CHD4: variants seen among roughly 807,000 people sequenced by gnomAD.
CHD4 encodes the protein chromodomain helicase DNA binding protein 4, also known as ATP-dependent chromatin remodeler CHD4.
Under a neutral mutation model 235.5 loss-of-function variants are expected in CHD4, and 35 were observed. The ratio of observed to expected loss-of-function variants is 0.15; its 90% confidence interval spans 0.11 to 0.20. CHD4 has a LOEUF of 0.20. Among genes scored for constraint, CHD4 ranks in the 10% least tolerant of loss-of-function variants. The pLI is 1.00. For synonymous variants in CHD4, 900 were observed against 850.2 expected, an observed-to-expected ratio of 1.06 and a Z score of -1.02; for missense variants, 1,329 against 2,432.3, an observed-to-expected ratio of 0.55 and a Z score of 9.54.
rs758702410 is a variant in CHD4 at position 6,600,509 on chromosome 12, A to C, written c.1063+25T>G. On this transcript the variant is annotated intron_variant, in intron 8 of 39. Coordinates refer to ENST00000544040, the MANE Select transcript of CHD4 (RefSeq NM_001273.5). ...CCAATCACTCCCACCTCATCCCATC[A>C]CAAATATACAGAAGAGAAACACACC... 34 of 1,604,104 alleles carry C rather than the reference A, an allele frequency of 2.1e-5. No homozygotes were observed. In the South Asian group the frequency reaches 3.5e-4, roughly 17 times the overall value.
rs1232329265 is a variant in CHD4 at position 6,602,381 on chromosome 12, T to C, written c.217A>G (p.Lys73Glu). ...ACATTCAGTCACCCACTCACCTCCT[T>C]TTTTTGGCGCTTGCTCTTAGGGATT... ...PKIPKSKRQK[K>E]ERMLLCRQLG... The change falls in exon 3 of 40, where the codon AAG becomes GAG. Residue 73 changes from lysine (K) to glutamate (E), a missense_variant. Transcript: ENST00000544040. 1 of 1,613,632 alleles carries C rather than the reference T, an allele frequency of 6.2e-7. No individual in the cohort carries two copies. The highest frequency in any genetic ancestry group is 8.5e-7 in the Non-Finnish European group (1 of 1,179,984).
In CHD4 at chr12:6,595,366, A is replaced by G. The variant is rs1948469685; in HGVS notation, c.2089T>C (p.Leu697=). Residue 697 remains leucine, a synonymous_variant, in exon 14 of 40, where the codon TTG becomes CTG. Coordinates refer to ENST00000544040, the MANE Select transcript of CHD4 (RefSeq NM_001273.5). The part of the protein sequence containing the change: ...KKLKKVKLRK[L]ERPPETPTVD... ...GTTGGCGTTTCTGGAGGCCTCTCCA[A>G]CTTCCGAAGCTTCACCTTCTTGAGC... 1 of 1,614,020 alleles carries G rather than the reference A, an allele frequency of 6.2e-7. No homozygotes were observed. Among genetic ancestry groups the G allele is most frequent in the Non-Finnish European group, 8.5e-7 (1 of 1,180,020 alleles).
rs752632870 is a variant in CHD4 at position 6,591,843 on chromosome 12, G to T, written c.3091-18C>A. 6.2e-7 allele frequency: 1 copy of T among 1,613,460 alleles called. No homozygotes were observed. The highest frequency in any genetic ancestry group is 1.3e-5 in the African/African-American group (1 of 74,786). Reference sequence around the variant, plus strand: ...GGAGCTTCCTGAGAACAAATGCAAAGAAAAAAGTATTAAAAGAAAGCCCAC... The same window carrying T: ...GGAGCTTCCTGAGAACAAATGCAAATAAAAAAGTATTAAAAGAAAGCCCAC... On this transcript the variant is annotated intron_variant, in intron 20 of 39. Transcript: ENST00000544040.
chr12:6,596,086 A>C lies in CHD4; in HGVS notation c.1944T>G (p.Pro648=). ...CACTCTCCCAAGAAGCCTGATCGTA[A>C]GGTAAGTCCCGCCACTTGATCAAGT... ...VHYLIKWRDL[P]YDQASWESED... is the part of the protein sequence containing the mutation. The change falls in exon 13 of 40, where the codon CCT becomes CCG. Residue 648 remains proline, a synonymous_variant. Coordinates refer to ENST00000544040, the MANE Select transcript of CHD4 (RefSeq NM_001273.5). The C allele has an allele frequency of 6.2e-7, 1 of 1,614,038 alleles. No homozygotes were observed. The highest frequency in any genetic ancestry group is 1.1e-5 in the South Asian group (1 of 91,084).
At chr12:6,594,034 C>T (rs1948443765) in intron 15 of CHD4, among the ~76,000 whole-genome samples, 1 of 152,168 alleles carries the variant, frequency 6.6e-6, no homozygotes, top group Non-Finnish European at 1.5e-5. Context: ...GGGGTTTCGC[C>T]ATGTTGGTCA....
rs1948172272 is a variant in CHD4 at position 6,580,852 on chromosome 12, C to T, written c.4909+192G>A. On this transcript the variant is annotated intron_variant, in intron 33 of 39. Transcript: ENST00000544040. Reference sequence around the variant, plus strand: ...TGAAACCCTGTCTCTACTAAAAATACAAAAATTAGCTGGGCATGATGGCGT... The same window carrying T: ...TGAAACCCTGTCTCTACTAAAAATATAAAAATTAGCTGGGCATGATGGCGT... The T allele has an allele frequency of 6.6e-6, 4 of 609,216 alleles. No individual in the cohort carries two copies. The South Asian group carries it at 6.7e-5, about 10-fold the overall frequency. 37.7% of individuals were successfully genotyped at this position (609,216 alleles called of 1,614,324 possible).
At chr12:6,595,851 A>C (rs1408366981) in intron 13 of CHD4, among the ~76,000 whole-genome samples, 155 bp downstream of exon 13, 1 of 150,926 alleles carries the variant, frequency 6.6e-6, no homozygotes, top group African/African-American at 2.4e-5. Flanking sequence ...CCAGCTACTC[A>C]GGAGGCTAAG....
rs771937303 is a variant in CHD4, at chr12:6,601,628, C to T, written c.557+20G>A. ...ACAGAAAGATTCTCCTCCCCCTTCC[C>T]CAAACCCCTTCTGTTTTACCTGACA... On this transcript the variant is annotated intron_variant, in intron 5 of 39. Transcript: ENST00000544040. 1.2e-6 allele frequency: 2 copies of T among 1,613,812 alleles called. No individual in the cohort carries two copies. The highest frequency in any genetic ancestry group is 1.7e-6 in the Non-Finnish European group (2 of 1,179,734).
intron 33 of CHD4, 148 bp from the exon 34 acceptor site, chr12:6,579,065 A>AAGAT: frequency 3.0e-6 from 2 of 657,898 alleles, no homozygotes; most frequent in Non-Finnish European, 5.3e-6. Flanking sequence ...CTGTAATCCC[A>AAGAT]GCATCTTGGG....
Position 6,599,800 on chromosome 12 carries a change from G to A in CHD4, c.1455C>T (p.Asn485=), listed in dbSNP as rs746108222. Residue 485 remains asparagine, a synonymous_variant, in exon 10 of 40, where the codon AAC becomes AAT. Transcript: ENST00000544040. ...CLNPPLPEIP[N]GEWLCPRCTC... ...TACAACGGGGACAGAGCCATTCACC[G>A]TTGGGGATCTCTGGAAGTGGGGGAT... 2.3e-5 allele frequency: 37 copies of A among 1,614,038 alleles called. No homozygotes were observed. Among genetic ancestry groups the A allele is most frequent in the African/African-American group, 6.7e-5 (5 of 74,896 alleles).
chr12:6,578,181 C>T, intron 35 of CHD4, 44 bp from the exon 36 acceptor site: 2 of 1,522,458 alleles, frequency 1.3e-6, no homozygotes, highest in Non-Finnish European at 1.8e-6. Flanking sequence ...GGGAAGCAAA[C>T]ATCTGTGAGA....
At chr12:6,598,164 C>CT (rs1948531472) in intron 11 of CHD4, 58 bp downstream of exon 11, 1 of 1,610,722 alleles carries the variant, frequency 6.2e-7, no homozygotes. Context: ...CCACAAGGCT[C>CT]TTTTGTCACT....
rs751395634 is a variant in CHD4, at chr12:6,601,334, G to T, written c.754C>A (p.Pro252Thr). ...GCCTTGCGGATAGGCACCTCCACAG[G>T]GGGAGGTGGTGGTGCAACCTCAGTG... ...TATEVAPPPPPVEVPIRKAKT... is the reference protein window; with the variant it reads ...TATEVAPPPPTVEVPIRKAKT... The change falls in exon 6 of 40, where the codon CCT becomes ACT. Residue 252 changes from proline (P) to threonine (T), a missense_variant. Physicochemically the swap from Pro to Thr is conservative, Grantham distance 38. Transcript: ENST00000544040. The T allele has an allele frequency of 6.2e-7, 1 of 1,614,110 alleles. No individual in the cohort carries two copies. Among genetic ancestry groups the T allele is most frequent in the Non-Finnish European group, 8.5e-7 (1 of 1,180,012 alleles).
In CHD4 at chr12:6,602,363, G is replaced by A. The variant is rs745561896; in HGVS notation, c.222+13C>T. 6.2e-7 allele frequency: 1 copy of A among 1,612,818 alleles called. No individual in the cohort carries two copies. Among genetic ancestry groups the A allele is most frequent in the Non-Finnish European group, 8.5e-7 (1 of 1,179,822 alleles). On this transcript the variant is annotated intron_variant, in intron 3 of 39. Transcript: ENST00000544040. The stretch of plus-strand genomic sequence containing the variant: ...TTCCTCTGATTCCCCGTAACATTCA[G>A]TCACCCACTCACCTCCTTTTTTTGG...
intron 12 of CHD4, 35 bp downstream of exon 12, chr12:6,597,859 G>A (rs780391653): frequency 1.6e-5 from 25 of 1,592,616 alleles, no homozygotes; most frequent in Admixed American, 5.0e-5. Context: ...ACTCTCCCAC[G>A]GAGACTGCCC....
chr12:6,577,890 G>A lies in CHD4; in HGVS notation c.5256C>T (p.Ile1752=), dbSNP rs766427424. ...INHGYARWQD[I]QNDPRYAILN... Reference sequence around the variant, plus strand: ...GGATGGCATAGCGTGGGTCATTCTGGATGTCTTGCCACCGGGCATAGCCAT... The same window carrying A: ...GGATGGCATAGCGTGGGTCATTCTGAATGTCTTGCCACCGGGCATAGCCAT... Residue 1752 remains isoleucine, a synonymous_variant, in exon 37 of 40, where the codon ATC becomes ATT. Transcript: ENST00000544040. 1 of 1,614,164 alleles carries A rather than the reference G, an allele frequency of 6.2e-7. No homozygotes were observed. Among genetic ancestry groups the A allele is most frequent in the South Asian group, 1.1e-5 (1 of 91,078 alleles).
intron 2 of CHD4, among the ~76,000 whole-genome samples, chr12:6,603,351 A>ACTCCCTC (rs1444611840): frequency 7.4e-5 from 11 of 148,878 alleles, no homozygotes; most frequent in African/African-American, 2.7e-4. Context: ...ACTGGCTCCG[A>ACTCCCTC]CTCCCTCCTC....
chr12:6,606,752 G>A (rs2136231747), intron 1 of CHD4: 1 of 168,216 alleles, frequency 5.9e-6, no homozygotes, highest in East Asian at 1.7e-4. Flanking sequence ...TGGCAGCGGC[G>A]CGGGGGGGCC....
rs1175756865 is a variant in CHD4 at position 6,601,272 on chromosome 12, T to C, written c.799+17A>G. The C allele has an allele frequency of 2.5e-6, 4 of 1,610,818 alleles. No homozygotes were observed. The highest frequency in any genetic ancestry group is 3.4e-6 in the Non-Finnish European group (4 of 1,177,676). On this transcript the variant is annotated intron_variant, in intron 6 of 39. Transcript: ENST00000544040. ...CCCACACTAGACACCCCCACTCCCATTTGAACCCCATTTCACCTTTGCCCT... is the reference window on the plus strand; with the variant it reads ...CCCACACTAGACACCCCCACTCCCACTTGAACCCCATTTCACCTTTGCCCT...
Sources: gnomAD v4.1 joint callset for allele counts (sites outside exome capture counted in the v4.1 genomes callset) on GRCh38, gnomAD v4.1.1 for gene constraint, MANE v1.5 for transcripts, NCBI Gene and HGNC (gene_info 2026-07-23, HGNC 2026-07-21) for gene names.